The following BTBD7 variants were observed in gnomAD, a reference collection of about 807,000 sequenced individuals.
BTBD7 encodes BTB domain containing 7.
BTBD7 carries 38 observed loss-of-function variants against 99.9 expected under a neutral mutation model. The ratio of observed to expected loss-of-function variants is 0.38; its 90% CI spans 0.29 to 0.50. The LOEUF (loss-of-function observed/expected upper bound fraction) is 0.50, where lower values mean the gene tolerates loss of function less well. BTBD7 is among the 20% of genes least tolerant of loss of function. The pLI, the probability that BTBD7 is intolerant of heterozygous loss-of-function variation, is 0.93. For synonymous variants in BTBD7, 520 were observed against 511.4 expected, an observed-to-expected ratio of 1.02 and a Z score of -0.23; for missense variants, 1,170 against 1,394.6, an observed-to-expected ratio of 0.84 and a Z score of 2.57.
At chr14:93,284,373 T>C (rs964631404) in intron 3 of BTBD7, among the ~76,000 whole-genome samples, 2 of 152,148 alleles carry the variant, frequency 1.3e-5, no homozygotes, top group South Asian at 2.1e-4. Context: ...CATATTTTGT[T>C]CCTATTCTGG....
At chr14:93,283,460 A>ACCC in intron 3 of BTBD7, among the ~76,000 whole-genome samples, 1 of 152,248 alleles carries the variant, frequency 6.6e-6, no homozygotes, top group Non-Finnish European at 1.5e-5. Context: ...TTTTAGAGAT[A>ACCC]TCACTTCTTG....
chr14:93,257,094 T>G, intron 6 of BTBD7, 101 bp downstream of exon 6: 2 of 1,203,836 alleles, frequency 1.7e-6, no homozygotes, highest in Non-Finnish European at 2.4e-6. Flanking sequence ...AATTACAGCT[T>G]CACAATACTC....
At chr14:93,327,224 T>C (rs908884258) in intron 1 of BTBD7, among the ~76,000 whole-genome samples, 8 of 152,210 alleles carry the variant, frequency 5.3e-5, no homozygotes, top group African/African-American at 1.9e-4. Context: ...TATAATAATA[T>C]GTTTTTTACT....
At chr14:93,272,563 C>T (rs1178977831) in intron 3 of BTBD7, among the ~76,000 whole-genome samples, 1 of 152,180 alleles carries the variant, frequency 6.6e-6, no homozygotes, top group Non-Finnish European at 1.5e-5. Context: ...ATACCAATTA[C>T]TGAAAAGCTT....
At chr14:93,264,864 TC>T (rs1221706663) in intron 3 of BTBD7, among the ~76,000 whole-genome samples, 1 of 151,714 alleles carries the variant, frequency 6.6e-6, no homozygotes, top group Non-Finnish European at 1.5e-5. Context: ...ACTCTGGGAG[TC>T]CAAGGCGGGC....
intron 2 of BTBD7, 46 bp from the exon 3 acceptor site, chr14:93,294,983 T>G: frequency 6.8e-7 from 1 of 1,473,294 alleles, no homozygotes; most frequent in South Asian, 1.4e-5. Context: ...TTCTTAACAT[T>G]CATTTTCAAC....
In BTBD7 at chr14:93,242,615, T is replaced by C. The variant is rs147011558; in HGVS notation, c.3057A>G (p.Arg1019=). 1.1e-5 allele frequency: 17 copies of C among 1,614,090 alleles called. No homozygotes were observed. The highest frequency in any genetic ancestry group is 2.7e-5 in the African/African-American group (2 of 74,942). ...CCAGGTGTATCGGCTCATTCTTTTG[T>C]CTGTGTAGATGCCCGTCAGGGGAAA... ...YPLSPDGHLH[R]QKNEPIHLDV... Residue 1019 remains arginine, a synonymous_variant, in exon 11 of 11, where the codon AGA becomes AGG. Coordinates refer to ENST00000334746, the MANE Select transcript of BTBD7 (RefSeq NM_001002860.4).
chr14:93,311,410 T>C (rs1022690032), intron 1 of BTBD7, among the ~76,000 whole-genome samples: 1 of 152,210 alleles, frequency 6.6e-6, no homozygotes, highest in Admixed American at 6.5e-5. Flanking sequence ...TAGTGGGAAA[T>C]GGTATTCAGA....
chr14:93,300,466 C>T (rs1237042745), intron 1 of BTBD7, among the ~76,000 whole-genome samples: 1 of 151,912 alleles, frequency 6.6e-6, no homozygotes, highest in South Asian at 2.1e-4. Flanking sequence ...CTATGTTGGT[C>T]AGGCTGGTCT....
chr14:93,284,429 T>C (rs1392033289), intron 3 of BTBD7, among the ~76,000 whole-genome samples: 1 of 151,958 alleles, frequency 6.6e-6, no homozygotes. Context: ...GGATAAAATT[T>C]ATTACAACCT....
intron 3 of BTBD7, among the ~76,000 whole-genome samples, chr14:93,276,085 A>C (rs2052653596): frequency 6.6e-6 from 1 of 152,002 alleles, no homozygotes; most frequent in African/African-American, 2.4e-5. Flanking sequence ...GCATGGTGGC[A>C]TATGCCTGTA....
At chr14:93,260,307 G>A (rs2052473368) in intron 5 of BTBD7, among the ~76,000 whole-genome samples, 1 of 152,108 alleles carries the variant, frequency 6.6e-6, no homozygotes, top group Admixed American at 6.6e-5. Flanking sequence ...AAGGAAATTG[G>A]TATTTAATTT....
intron 3 of BTBD7, chr14:93,287,705 C>G (rs1042589340): frequency 6.6e-6 from 1 of 152,198 alleles, no homozygotes; most frequent in Non-Finnish European, 1.5e-5. Flanking sequence ...TCCTTGGAGA[C>G]TTTCACCCTC....
At chr14:93,303,561 C>T (rs554281346) in intron 1 of BTBD7, among the ~76,000 whole-genome samples, 1 of 152,326 alleles carries the variant, frequency 6.6e-6, no homozygotes, top group African/African-American at 2.4e-5. Context: ...CCAGGTCTGA[C>T]CTGGACTAGA....
In BTBD7 at chr14:93,295,000, C is replaced by T. The variant is rs576742513; in HGVS notation, c.83-63G>A. 5.2e-5 allele frequency: 74 copies of T among 1,432,066 alleles called. No homozygotes were observed. The South Asian group carries it at 5.5e-4, about 11-fold the overall frequency. The allele number at this position is 1,432,066 out of a possible 1,614,324, so 88.7% of individuals were successfully genotyped here. A position where few individuals can be genotyped will look rare whatever the true frequency, so the allele number is the denominator to read the frequency against. Reference sequence around the variant, plus strand: ...CTTAACATTCATTTTCAACGTTTAACATTTTTCATGTTGAAAAATTCTGTA... The same window carrying T: ...CTTAACATTCATTTTCAACGTTTAATATTTTTCATGTTGAAAAATTCTGTA... On this transcript the variant is annotated intron_variant, in intron 2 of 10. Coordinates refer to ENST00000334746, the MANE Select transcript of BTBD7 (RefSeq NM_001002860.4).
At chr14:93,324,427 A>AAAAATAAAAAAAT (rs1273590332) in intron 1 of BTBD7, among the ~76,000 whole-genome samples, 2 of 151,884 alleles carry the variant, frequency 1.3e-5, no homozygotes, top group Admixed American at 6.6e-5. Flanking sequence ...GTCTCAAAAA[A>AAAAATAAAAAAAT]AAAAAAAAGA....
intron 9 of BTBD7, among the ~76,000 whole-genome samples, 155 bp from the exon 10 acceptor site, chr14:93,246,441 A>G (rs2052312578): frequency 1.3e-5 from 2 of 152,266 alleles, no homozygotes; most frequent in South Asian, 2.1e-4. Context: ...AAGCCCAAGA[A>G]AAAAATCACC....
intron 3 of BTBD7, among the ~76,000 whole-genome samples, chr14:93,291,614 A>C (rs2052856145): frequency 6.6e-6 from 1 of 151,732 alleles, no homozygotes; most frequent in Non-Finnish European, 1.5e-5. Flanking sequence ...AAAATAACTC[A>C]AACTCTATTT....
rs2052922354 is a variant in BTBD7, at chr14:93,296,042, T to G, written c.10A>C (p.Asn4His). 6.2e-7 allele frequency: 1 copy of G among 1,613,638 alleles called. No individual in the cohort carries two copies. The highest frequency in any genetic ancestry group is 1.3e-5 in the African/African-American group (1 of 74,918). The change falls in exon 2 of 11, where the codon AAT (asparagine) becomes CAT (histidine). Residue 4 changes from asparagine to histidine, a missense_variant. Around this residue, in one of 4 missense-constraint regions of BTBD7, gnomAD observed 359 missense variants for 497.9 expected, o/e 0.72. Coordinates refer to ENST00000334746, the MANE Select transcript of BTBD7 (RefSeq NM_001002860.4). The part of the protein sequence containing the change: MGA[N>H]ASNYPHSCSP... ...CATGAATGAGGATAATTAGATGCATTAGCACCCATTTTCTTCAGTCACTCA... is the reference window on the plus strand; with the variant it reads ...CATGAATGAGGATAATTAGATGCATGAGCACCCATTTTCTTCAGTCACTCA...
Sources: allele counts gnomAD v4.1 joint callset (sites outside exome capture counted in the v4.1 genomes callset), GRCh38; gene constraint gnomAD v4.1.1; regional missense constraint gnomAD v4.1.1; transcripts MANE v1.5; gene names NCBI Gene and HGNC (gene_info 2026-07-23, HGNC 2026-07-21).